The following IQCE variants were observed in gnomAD, a reference collection of about 807,000 sequenced individuals.
IQCE encodes IQ domain-containing protein E.
Under a neutral mutation model 96.0 loss-of-function variants are expected in IQCE, and 115 were observed. The observed-to-expected ratio is 1.20, with a 90% CI of 1.03 to 1.40. IQCE has a LOEUF of 1.40. Among genes scored for constraint, IQCE ranks in the 40% most tolerant of loss-of-function variants. The pLI is 0.00. For missense variants in IQCE, 1,041 were observed against 909.1 expected, an observed-to-expected ratio of 1.15 and a Z score of -1.87; for synonymous variants, 412 against 371.2, an observed-to-expected ratio of 1.11 and a Z score of -1.26.
At chr7:2,589,874 C>T (rs1490347656) in intron 13 of IQCE, 33 bp from the exon 14 acceptor site, 7 of 1,592,274 alleles carry the variant, frequency 4.4e-6, no homozygotes, top group Non-Finnish European at 6.0e-6. Context: ...GAAATGAGAA[C>T]TAGTATCTAA....
At chr7:2,591,013 G>A (rs1198109107) in intron 14 of IQCE, among the ~76,000 whole-genome samples, 1 of 152,206 alleles carries the variant, frequency 6.6e-6, no homozygotes, top group East Asian at 1.9e-4. Context: ...AGCACTTTGG[G>A]AGGCCAAGGT....
chr7:2,573,429 G>A lies in IQCE; in HGVS notation c.406G>A (p.Gly136Arg), dbSNP rs1781900704. Residue 136 changes from glycine to arginine, a missense_variant, in exon 6 of 22, where the codon GGG (glycine) becomes AGG (arginine). By Grantham distance (125) the Gly-to-Arg change is moderately radical (BLOSUM62 -2). Transcript: ENST00000402050. ...TTATGTTTCTCTAGGTCATGTCCCT[G>A]GGACTCCTGTCTACAGAGAAAAAGA... ...RRSASNGHVP[G>R]TPVYREKEDM... 6 of 1,488,054 alleles carry A rather than the reference G, an allele frequency of 4.0e-6. No homozygotes were observed. Among genetic ancestry groups the A allele is most frequent in the Non-Finnish European group, 3.8e-6 (4 of 1,066,022 alleles). 92.2% of individuals were successfully genotyped at this position (1,488,054 alleles called of 1,614,324 possible).
chr7:2,566,789 G>A (rs1287853038), intron 1 of IQCE, among the ~76,000 whole-genome samples: 1 of 152,210 alleles, frequency 6.6e-6, no homozygotes, highest in African/African-American at 2.4e-5. Context: ...GAACATTTAT[G>A]TAAAAATGAA....
chr7:2,602,593 C>T (rs565857196), intron 18 of IQCE, among the ~76,000 whole-genome samples: 8 of 152,342 alleles, frequency 5.3e-5, no homozygotes, highest in Admixed American at 3.9e-4. Flanking sequence ...TCCTCACACT[C>T]CCCAGGTGCA....
In IQCE at chr7:2,591,388, C is replaced by T. The variant is rs577042372; in HGVS notation, c.1244+1282C>T. 3.9e-5 allele frequency among the ~76,000 whole-genome samples: 6 copies of T among 152,318 alleles called. No individual in the cohort carries two copies. In the South Asian group the frequency reaches 1.0e-3, roughly 26 times the overall value. On this transcript the variant is annotated intron_variant, in intron 14 of 21. Coordinates refer to ENST00000402050, the MANE Select transcript of IQCE (RefSeq NM_152558.5). ...GAACACCCGGCCTGGCTCCTGTCCT[C>T]CTCCTGTTGATAGCTCCTCAGGGCT...
chr7:2,582,686 G>T, intron 9 of IQCE, 36 bp downstream of exon 9: 1 of 1,587,766 alleles, frequency 6.3e-7, no homozygotes, highest in Admixed American at 1.7e-5. Flanking sequence ...CCTGCCTTCC[G>T]CCCCGTGTTC....
chr7:2,569,694 C>T (rs1488024449), intron 3 of IQCE, among the ~76,000 whole-genome samples: 3 of 152,174 alleles, frequency 2.0e-5, no homozygotes, highest in Non-Finnish European at 4.4e-5. Flanking sequence ...TACCCCAAAG[C>T]CTGTGGCCTT....
In IQCE at chr7:2,581,676, A is replaced by G. The variant is rs141598115; in HGVS notation, c.631-904A>G. Among the ~76,000 whole-genome samples the G allele has an allele frequency of 2.9e-3, 432 of 150,822 alleles. 2 individuals are homozygous for G. Among genetic ancestry groups the G allele is most frequent in the Non-Finnish European group, 3.6e-3 (244 of 67,616 alleles). ...GGCAACATAGTGAAACCCCATCTCT[A>G]TTTAAAAGTTGTCTATTTAGAAGAA... On this transcript the variant is annotated intron_variant, in intron 8 of 21. Coordinates refer to ENST00000402050, the MANE Select transcript of IQCE (RefSeq NM_152558.5).
intron 6 of IQCE, among the ~76,000 whole-genome samples, chr7:2,575,030 C>T (rs1782015713): frequency 6.6e-6 from 1 of 152,250 alleles, no homozygotes; most frequent in African/African-American, 2.4e-5. Context: ...GGCGGCTGCC[C>T]TAAGTCTGTG....
rs369981952 is a variant in IQCE at position 2,601,425 on chromosome 7, CT to C, written c.1609-5del. 23,485 of 1,119,752 alleles carry C rather than the reference CT, an allele frequency of 0.021. No individual in the cohort carries two copies. The highest frequency in any genetic ancestry group is 0.033 in the East Asian group (875 of 26,510). 69.4% of individuals were successfully genotyped at this position (1,119,752 alleles called of 1,614,324 possible). On this transcript the variant is annotated splice_polypyrimidine_tract_variant and intron_variant, in intron 17 of 21. Coordinates refer to ENST00000402050, the MANE Select transcript of IQCE (RefSeq NM_152558.5). ...GTGTTAATTCATGTATTTTTTCTTT[CT>C]TTTTTTTTTTCCAGAAAAAAAAGGC...
At chr7:2,599,135 G>A (rs1784267297) in intron 17 of IQCE, among the ~76,000 whole-genome samples, 1 of 152,174 alleles carries the variant, frequency 6.6e-6, no homozygotes, top group Non-Finnish European at 1.5e-5. Context: ...CGTCTCCTTA[G>A]TGTGGTTCAC....
At chr7:2,560,449 C>G (rs186802811) in intron 1 of IQCE, among the ~76,000 whole-genome samples, 1 of 152,320 alleles carries the variant, frequency 6.6e-6, no homozygotes, top group Admixed American at 6.5e-5. Context: ...TTCAGCACAG[C>G]TGCACCCGCA....
rs1229020472 is a variant in IQCE, at chr7:2,612,643, A to G, written c.*2481A>G. ...AGGTGAGCTGTGAATGGGGCTAGCTATGGGTGGGGTGAGCTGTGGACAGGG... is the reference window on the plus strand; with the variant it reads ...AGGTGAGCTGTGAATGGGGCTAGCTGTGGGTGGGGTGAGCTGTGGACAGGG... On this transcript the variant is annotated 3_prime_UTR_variant, in exon 22 of 22. Coordinates refer to ENST00000402050, the MANE Select transcript of IQCE (RefSeq NM_152558.5). The G allele has an allele frequency of 2.4e-5, 3 of 125,518 alleles. No individual in the cohort carries two copies. Among genetic ancestry groups the G allele is most frequent in the Non-Finnish European group, 4.9e-5 (3 of 61,182 alleles). 7.8% of individuals were successfully genotyped at this position (125,518 alleles called of 1,614,324 possible).
intron 10 of IQCE, among the ~76,000 whole-genome samples, chr7:2,583,941 ACCGAGCTGGGCGGCG>A: frequency 5.1e-5 from 1 of 19,684 alleles, no homozygotes; most frequent in South Asian, 2.6e-3. Flanking sequence ...CGGGGCGGGC[ACCGAGCTGGGCGGCG>A]GGGCGGAGGG....
intron 1 of IQCE, 60 bp from the exon 2 acceptor site, chr7:2,567,056 G>C: frequency 2.1e-6 from 3 of 1,452,542 alleles, no homozygotes; most frequent in Non-Finnish European, 2.9e-6. Flanking sequence ...TTTTGTAAAC[G>C]TGATGGTCGG....
chr7:2,580,101 T>C (rs1782549476), intron 8 of IQCE: 1 of 152,060 alleles, frequency 6.6e-6, no homozygotes, highest in African/African-American at 2.4e-5. Flanking sequence ...TATGGCAAAT[T>C]GTCCATCAGT....
intron 15 of IQCE, among the ~76,000 whole-genome samples, 167 bp downstream of exon 15, chr7:2,593,293 C>G (rs1187262992): frequency 2.0e-5 from 3 of 152,268 alleles, no homozygotes; most frequent in Admixed American, 6.5e-5. Context: ...GGACTAACCT[C>G]TTGGTGCTGA....
rs749622221 is a variant in IQCE, at chr7:2,578,266, G to A, written c.490G>A (p.Val164Met). 25 of 1,613,800 alleles carry A rather than the reference G, an allele frequency of 1.5e-5. No homozygotes were observed. The highest frequency in any genetic ancestry group is 1.2e-5 in the Non-Finnish European group (14 of 1,179,850). Residue 164 changes from valine to methionine, a missense_variant, in exon 7 of 22, where the codon GTG (valine) becomes ATG (methionine). Transcript: ENST00000402050. ...KKSLHVQKSD[V>M]DLMRTKLRRL... is the part of the protein sequence containing the mutation. ...GTCATTGCACGTGCAGAAGAGCGAC[G>A]TGGACCTGATGAGAACGAAGCTCCG...
At chr7:2,569,585 C>T (rs1199004682) in intron 3 of IQCE, among the ~76,000 whole-genome samples, 4 of 152,248 alleles carry the variant, frequency 2.6e-5, no homozygotes, top group Admixed American at 2.0e-4. Context: ...CGAGGCCCCT[C>T]TGTCTCTAAT....
Sources: allele counts gnomAD v4.1 joint callset (sites outside exome capture counted in the v4.1 genomes callset), GRCh38; gene constraint gnomAD v4.1.1; transcripts MANE v1.5; gene names NCBI Gene and HGNC (gene_info 2026-07-23, HGNC 2026-07-21).